Variants in RHEX observed in about 807,000 individuals in gnomAD.
RHEX encodes regulator of hemoglobinization and erythroid cell expansion protein.
RHEX carries 18 observed loss-of-function variants against 20.1 expected under a neutral mutation model. The ratio of observed to expected loss-of-function variants is 0.90; its 90% CI spans 0.62 to 1.33. The LOEUF is 1.33. RHEX is among the 40% of genes most tolerant of loss of function. RHEX has a pLI of 0.00. For missense variants in RHEX, 192 were observed against 214.3 expected (o/e 0.90, Z 0.65); for synonymous variants, 87 against 77.1 (o/e 1.13, Z -0.67).
intron 1 of RHEX, among the ~76,000 whole-genome samples, chr1:206,072,823 CTG>C (rs1272391945): frequency 1.0e-4 from 15 of 144,486 alleles, no homozygotes; most frequent in Non-Finnish European, 1.6e-4. Context: ...CACATTCCTC[CTG>C]TGTCTTTTTT....
chr1:206,065,558 C>T (rs1662405858), intron 1 of RHEX, among the ~76,000 whole-genome samples: 2 of 152,176 alleles, frequency 1.3e-5, no homozygotes, highest in African/African-American at 2.4e-5. Context: ...AGGCCAGAAG[C>T]CTTCTACCTT....
chr1:206,074,002 C>T (rs1221356862), intron 1 of RHEX, among the ~76,000 whole-genome samples: 1 of 152,134 alleles, frequency 6.6e-6, no homozygotes, highest in Non-Finnish European at 1.5e-5. Flanking sequence ...ACCTTTGCAG[C>T]CTCATCACTC....
In RHEX at chr1:206,086,347, G is replaced by GTT. The variant is rs374713458; in HGVS notation, c.-96-11378_-96-11377dup. 3.7e-3 allele frequency among the ~76,000 whole-genome samples: 559 copies of GTT among 151,130 alleles called. 2 individuals are homozygous for GTT. The highest frequency in any genetic ancestry group is 0.013 in the African/African-American group (526 of 41,184). On this transcript the variant is annotated intron_variant, in intron 1 of 5. Coordinates refer to ENST00000331555, the MANE Select transcript of RHEX (RefSeq NM_001007544.4). ...CAGGCCCTCTACTGAGCATTTTCCT[G>GTT]TTTTTTTTTCTTTTTCTGAAGAATG...
rs546997815 is a variant in RHEX, at chr1:206,094,090, G to A, written c.-96-3643G>A. Reference sequence around the variant, plus strand: ...ACCGTCCCTACCTCGAGGATGGAACGAGGCACACCAAACCCTCACACAGTC... The same window carrying A: ...ACCGTCCCTACCTCGAGGATGGAACAAGGCACACCAAACCCTCACACAGTC... On this transcript the variant is annotated intron_variant, in intron 1 of 5. Coordinates refer to ENST00000331555, the MANE Select transcript of RHEX (RefSeq NM_001007544.4). 6.6e-5 allele frequency among the ~76,000 whole-genome samples: 10 copies of A among 152,222 alleles called. No homozygotes were observed. The East Asian group carries it at 1.5e-3, about 24-fold the overall frequency.
chr1:206,065,675 C>A (rs4074313), intron 1 of RHEX, among the ~76,000 whole-genome samples: 4,931 of 152,268 alleles, frequency 0.032, 150 homozygotes, highest in Admixed American at 0.077. Context: ...ACAGGAAAGT[C>A]CTGCCTGTGG....
intron 1 of RHEX, among the ~76,000 whole-genome samples, chr1:206,068,363 C>T (rs1662468813): frequency 6.6e-6 from 1 of 152,044 alleles, no homozygotes; most frequent in Admixed American, 6.6e-5. Context: ...GGAAAAGGGG[C>T]TAAAATTATG....
At chr1:206,092,927 T>C in intron 1 of RHEX, among the ~76,000 whole-genome samples, 1 of 152,228 alleles carries the variant, frequency 6.6e-6, no homozygotes, top group East Asian at 1.9e-4. Context: ...CTTTTCGCCT[T>C]ACTTCACCCC....
chr1:206,092,482 A>C (rs1553287170), intron 1 of RHEX, among the ~76,000 whole-genome samples: 1 of 151,378 alleles, frequency 6.6e-6, no homozygotes, highest in Non-Finnish European at 1.5e-5. Context: ...AAGCAGTCTG[A>C]CTCCAGGTTC....
chr1:206,101,756 C>G lies in RHEX; in HGVS notation c.323C>G (p.Thr108Arg). Residue 108 changes from threonine to arginine, a missense_variant, in exon 6 of 6, where the codon ACA becomes AGA. By Grantham distance (71) the Thr-to-Arg change is moderately conservative (BLOSUM62 -1). Transcript: ENST00000331555. ...TGTCTCTGCTTTTCTCCTAAGGCCACAGAGGATGTGGATTACACACAAGTC... is the reference window on the plus strand; with the variant it reads ...TGTCTCTGCTTTTCTCCTAAGGCCAGAGAGGATGTGGATTACACACAAGTC... Reference protein sequence around the residue: ...SCSSPPACQATEDVDYTQVVF... With the variant: ...SCSSPPACQAREDVDYTQVVF... 6.2e-7 allele frequency: 1 copy of G among 1,612,326 alleles called. No individual in the cohort carries two copies. The highest frequency in any genetic ancestry group is 8.5e-7 in the Non-Finnish European group (1 of 1,179,168).
intron 1 of RHEX, among the ~76,000 whole-genome samples, chr1:206,088,589 A>G (rs1453960156): frequency 6.6e-6 from 1 of 152,160 alleles, no homozygotes; most frequent in Non-Finnish European, 1.5e-5. Context: ...AGGCTGAGGC[A>G]GTAGAATTGC....
intron 1 of RHEX, among the ~76,000 whole-genome samples, chr1:206,074,003 C>T (rs377572790): frequency 3.9e-5 from 6 of 152,276 alleles, no homozygotes; most frequent in Admixed American, 2.6e-4. Flanking sequence ...CCTTTGCAGC[C>T]TCATCACTCC....
At chr1:206,098,275 T>C in intron 3 of RHEX, 94 bp downstream of exon 3, 1 of 927,434 alleles carries the variant, frequency 1.1e-6, no homozygotes. Context: ...TTCCCAAACG[T>C]CACTCAAAAA....
In RHEX at chr1:206,099,810, G is replaced by A. The variant is rs782638963; in HGVS notation, c.256+12G>A. ...TTCCCTTTACAGGCGTGAGTAAGGG[G>A]TTGGAGGGAGAACTTGTCTAGGGAC... is the stretch of plus-strand genomic sequence containing the variant. On this transcript the variant is annotated intron_variant, in intron 4 of 5. Coordinates refer to ENST00000331555, the MANE Select transcript of RHEX (RefSeq NM_001007544.4). The A allele has an allele frequency of 4.3e-6, 7 of 1,613,028 alleles. No individual in the cohort carries two copies. Among genetic ancestry groups the A allele is most frequent in the South Asian group, 2.2e-5 (2 of 90,966 alleles).
At chr1:206,082,020 C>T (rs193085567) in intron 1 of RHEX, among the ~76,000 whole-genome samples, 5 of 152,188 alleles carry the variant, frequency 3.3e-5, no homozygotes, top group South Asian at 4.1e-4. Flanking sequence ...TAGGAAATCA[C>T]TCCACATGGC....
At chr1:206,080,338 C>CA (rs1159101286) in intron 1 of RHEX, 11 of 152,122 alleles carry the variant, frequency 7.2e-5, no homozygotes, top group African/African-American at 1.9e-4. Flanking sequence ...CAAAAAAAGA[C>CA]AAAAAATCCC....
chr1:206,097,554 C>T, intron 1 of RHEX, 179 bp from the exon 2 acceptor site: 1 of 532,090 alleles, frequency 1.9e-6, no homozygotes, highest in Admixed American at 3.2e-5. Flanking sequence ...GTGCACTTTA[C>T]TCATCAAGGT....
chr1:206,080,544 C>T (rs1389444474), intron 1 of RHEX, among the ~76,000 whole-genome samples: 12 of 152,156 alleles, frequency 7.9e-5, no homozygotes, highest in Non-Finnish European at 1.6e-4. Context: ...AGTGTGTTAT[C>T]GACCTCGATC....
chr1:206,066,677 C>T (rs1304907466), intron 1 of RHEX, among the ~76,000 whole-genome samples: 2 of 152,174 alleles, frequency 1.3e-5, no homozygotes, highest in African/African-American at 2.4e-5. Flanking sequence ...AAACTGAAAG[C>T]AGACACTTCA....
In RHEX at chr1:206,096,482, C is replaced by T. The variant is rs142720089; in HGVS notation, c.-96-1251C>T. On this transcript the variant is annotated intron_variant, in intron 1 of 5. Coordinates refer to ENST00000331555, the MANE Select transcript of RHEX (RefSeq NM_001007544.4). ...TCTTTCACGATACAATAAAGCTCTT[C>T]TGGTAAAGTCCAGTCTTCCTTGTGC... Among the ~76,000 whole-genome samples, 258 of 152,374 alleles carry T rather than the reference C, an allele frequency of 1.7e-3. 1 individual carries two copies. Among genetic ancestry groups the T allele is most frequent in the African/African-American group, 5.7e-3 (237 of 41,596 alleles).
Sources: allele counts gnomAD v4.1 joint callset (sites outside exome capture counted in the v4.1 genomes callset), GRCh38; gene constraint gnomAD v4.1.1; transcripts MANE v1.5; gene names NCBI Gene and HGNC (gene_info 2026-07-23, HGNC 2026-07-21).